Variants in RPH3A observed in about 807,000 individuals in gnomAD.
RPH3A encodes rabphilin 3A, also known as rabphilin-3A.
In RPH3A, 48 loss-of-function variants were observed where a neutral mutation model predicts 102.2. The observed-to-expected ratio is 0.47, with a 90% CI of 0.37 to 0.60. The LOEUF is 0.60. Ranked by LOEUF, RPH3A falls within the 20% of genes least tolerant of loss-of-function variation. RPH3A has a pLI of 0.00. For synonymous variants in RPH3A, 310 were observed against 324.3 expected, an observed-to-expected ratio of 0.96 and a Z score of 0.47; for missense variants, 781 against 910.1, an observed-to-expected ratio of 0.86 and a Z score of 1.83.
At chr12:112,691,779 T>C (rs6489853) in intron 1 of RPH3A, among the ~76,000 whole-genome samples, 38,691 of 152,108 alleles carry the variant, frequency 0.25, 6,104 homozygotes, top group African/African-American at 0.44. Flanking sequence ...TTCATTTTTG[T>C]CTGCCTCCTG....
chr12:112,727,511 C>CACAT (rs1555205009), intron 1 of RPH3A, among the ~76,000 whole-genome samples: 9 of 109,992 alleles, frequency 8.2e-5, no homozygotes, highest in African/African-American at 3.2e-4. Context: ...CCCCCACACA[C>CACAT]ATATATATAT....
intron 1 of RPH3A, among the ~76,000 whole-genome samples, chr12:112,722,685 T>C (rs1476348772): frequency 1.3e-5 from 2 of 152,190 alleles, no homozygotes; most frequent in Non-Finnish European, 2.9e-5. Flanking sequence ...TTCCTTTTCT[T>C]CAGTTCTTCC....
intron 1 of RPH3A, among the ~76,000 whole-genome samples, chr12:112,598,706 G>T (rs561988593): frequency 2.6e-5 from 4 of 152,158 alleles, no homozygotes; most frequent in Non-Finnish European, 5.9e-5. Context: ...ACAGCACCTG[G>T]CATGTCGTAA....
chr12:112,693,964 G>T (rs2040326808), intron 1 of RPH3A, among the ~76,000 whole-genome samples: 1 of 152,208 alleles, frequency 6.6e-6, no homozygotes, highest in African/African-American at 2.4e-5. Context: ...GCTGATTGAA[G>T]GCCAGGAGCC....
intron 2 of RPH3A, among the ~76,000 whole-genome samples, chr12:112,819,955 G>C (rs1593040786): frequency 6.6e-6 from 1 of 152,246 alleles, no homozygotes; most frequent in African/African-American, 2.4e-5. Context: ...GAAAGTCTTA[G>C]AGCCAATTCA....
intron 1 of RPH3A, among the ~76,000 whole-genome samples, chr12:112,620,645 T>A (rs1347441235): frequency 6.6e-6 from 1 of 152,220 alleles, no homozygotes; most frequent in African/African-American, 2.4e-5. Flanking sequence ...AGGAACTTCA[T>A]ATGGAACTTC....
intron 1 of RPH3A, among the ~76,000 whole-genome samples, chr12:112,738,879 G>T (rs963352173): frequency 2.0e-5 from 3 of 152,158 alleles, no homozygotes; most frequent in Admixed American, 6.5e-5. Flanking sequence ...AGTTGGGTTT[G>T]TTTGCCTAGG....
At chr12:112,579,787 T>C (rs1429154771) in intron 1 of RPH3A, among the ~76,000 whole-genome samples, 1 of 152,190 alleles carries the variant, frequency 6.6e-6, no homozygotes, top group Non-Finnish European at 1.5e-5. Context: ...TCTAGTGCAG[T>C]GGTGTGATCA....
intron 1 of RPH3A, among the ~76,000 whole-genome samples, chr12:112,781,839 G>A (rs1223863985): frequency 6.6e-6 from 1 of 152,248 alleles, no homozygotes; most frequent in Non-Finnish European, 1.5e-5. Flanking sequence ...CTTCTAGGAT[G>A]ATGATCTAGT....
At chr12:112,660,988 G>T (rs1458604899) in intron 1 of RPH3A, among the ~76,000 whole-genome samples, 4 of 152,182 alleles carry the variant, frequency 2.6e-5, no homozygotes. Context: ...ACAGGGAAAG[G>T]AGTCTGCCTT....
chr12:112,677,331 T>G (rs2040183211), intron 1 of RPH3A, among the ~76,000 whole-genome samples: 1 of 113,802 alleles, frequency 8.8e-6, no homozygotes. Flanking sequence ...GCCTGTCATT[T>G]TCCCTCCCTC....
chr12:112,804,173 A>G (rs910050334), intron 2 of RPH3A, among the ~76,000 whole-genome samples: 14 of 152,232 alleles, frequency 9.2e-5, no homozygotes, highest in Non-Finnish European at 1.6e-4. Context: ...AGATTGCAAG[A>G]TTAGTTAGGA....
chr12:112,772,214 A>G (rs2040931580), intron 1 of RPH3A, among the ~76,000 whole-genome samples: 1 of 152,208 alleles, frequency 6.6e-6, no homozygotes, highest in African/African-American at 2.4e-5. Context: ...TCTTCCGGCA[A>G]GTCACCCAAT....
At chr12:112,647,042 C>T (rs12318117) in intron 1 of RPH3A, among the ~76,000 whole-genome samples, 2,316 of 152,228 alleles carry the variant, frequency 0.015, 75 homozygotes, top group African/African-American at 0.054. Flanking sequence ...TTTTCCAGAG[C>T]GCAGAACAGC....
At chr12:112,757,715 C>T (rs567688375) in intron 1 of RPH3A, among the ~76,000 whole-genome samples, 1 of 152,306 alleles carries the variant, frequency 6.6e-6, no homozygotes, top group South Asian at 2.1e-4. Context: ...TCTCCCAGGG[C>T]TAAGAAGACC....
intron 1 of RPH3A, among the ~76,000 whole-genome samples, chr12:112,741,567 A>G (rs1186743115): frequency 6.6e-6 from 1 of 152,188 alleles, no homozygotes; most frequent in Non-Finnish European, 1.5e-5. Context: ...ACTCCAAAGC[A>G]TCAAAGACAG....
intron 1 of RPH3A, among the ~76,000 whole-genome samples, chr12:112,661,131 T>C (rs2040046046): frequency 6.6e-6 from 1 of 152,142 alleles, no homozygotes; most frequent in Non-Finnish European, 1.5e-5. Context: ...ATGCGTCATC[T>C]AGATACACTC....
At chr12:112,713,230 CATGTATTTGTATATA>C (rs2040492811) in intron 1 of RPH3A, among the ~76,000 whole-genome samples, 1 of 151,698 alleles carries the variant, frequency 6.6e-6, no homozygotes, top group South Asian at 2.1e-4. Flanking sequence ...CCATGCCTGA[CATGTATTTGTATATA>C]TATAACCTAC....
chr12:112,612,317 T>C (rs892721144), intron 1 of RPH3A, among the ~76,000 whole-genome samples: 12 of 152,168 alleles, frequency 7.9e-5, no homozygotes, highest in Non-Finnish European at 1.6e-4. Context: ...GTTGGTGTAA[T>C]TGAGGTTAAG....
Sources: allele counts gnomAD v4.1 joint callset (sites outside exome capture counted in the v4.1 genomes callset), GRCh38; gene constraint gnomAD v4.1.1; transcripts MANE v1.5; gene names NCBI Gene and HGNC (gene_info 2026-07-23, HGNC 2026-07-21).